SLC9A9: variants seen among roughly 807,000 people sequenced by gnomAD.
SLC9A9 encodes solute carrier family 9 member A9, also known as sodium/hydrogen exchanger 9.
Under a neutral mutation model 77.8 loss-of-function variants are expected in SLC9A9, and 62 were observed. The ratio of observed to expected loss-of-function variants is 0.80; its 90% confidence interval spans 0.65 to 0.98. The LOEUF (loss-of-function observed/expected upper bound fraction) is 0.98. Among genes scored for constraint, SLC9A9 ranks in the 50% least tolerant of loss-of-function variants. The pLI is 0.00. For synonymous variants in SLC9A9, 320 were observed against 283.5 expected (o/e 1.13, Z -1.29); for missense variants, 775 against 774.9 (o/e 1.00, Z 0.00).
At chr3:143,788,754 A>G (rs114186426) in intron 4 of SLC9A9, among the ~76,000 whole-genome samples, 1,697 of 150,684 alleles carry the variant, frequency 0.011, 35 homozygotes, top group African/African-American at 0.039. Flanking sequence ...ATAAGCATGT[A>G]TGAAGTAAAA....
At chr3:143,449,971 A>ATATG (rs369881110) in intron 12 of SLC9A9, among the ~76,000 whole-genome samples, 26,952 of 86,876 alleles carry the variant, frequency 0.31, 4,538 homozygotes, top group East Asian at 0.49. Context: ...AATATATATA[A>ATATG]TATATATTAT....
intron 6 of SLC9A9, among the ~76,000 whole-genome samples, chr3:143,602,529 AT>A (rs1253382954): frequency 6.6e-5 from 10 of 152,204 alleles, no homozygotes; most frequent in African/African-American, 2.4e-4. Context: ...AAATATCTTA[AT>A]TTAACTGTTT....
chr3:143,455,940 A>G (rs2035083355), intron 12 of SLC9A9, among the ~76,000 whole-genome samples: 1 of 151,988 alleles, frequency 6.6e-6, no homozygotes, highest in African/African-American at 2.4e-5. Context: ...CCAGGACAAT[A>G]TTGAATTAGA....
intron 14 of SLC9A9, among the ~76,000 whole-genome samples, chr3:143,319,844 C>G (rs2031353647): frequency 6.6e-6 from 1 of 152,202 alleles, no homozygotes; most frequent in Non-Finnish European, 1.5e-5. Flanking sequence ...CAGAGAAAGT[C>G]AAGGTCTGGT....
At chr3:143,545,732 C>T (rs2036777702) in intron 9 of SLC9A9, among the ~76,000 whole-genome samples, 1 of 152,212 alleles carries the variant, frequency 6.6e-6, no homozygotes, top group South Asian at 2.1e-4. Flanking sequence ...AAACTTTTCA[C>T]TCCAGTATGA....
chr3:143,693,266 C>T lies in SLC9A9; in HGVS notation c.575G>A (p.Gly192Asp). ...ATGAAAGTCTCCATTTTTCAGCTGG[C>T]CAGCATGTATCATAGCCTTCACAAA... The part of the protein sequence containing the change: ...YGFVKAMIHA[G>D]QLKNGDFHFT... Residue 192 changes from glycine (G) to aspartate (D), a missense_variant, in exon 5 of 16, where the codon GGC becomes GAC. Gly to Asp is a moderately conservative substitution (Grantham distance 94). Coordinates refer to ENST00000316549, the MANE Select transcript of SLC9A9 (RefSeq NM_173653.4). The T allele has an allele frequency of 1.2e-6, 2 of 1,613,318 alleles. No individual in the cohort carries two copies. Among genetic ancestry groups the T allele is most frequent in the East Asian group, 2.2e-5 (1 of 44,856 alleles).
chr3:143,649,186 C>T (rs77905148), intron 6 of SLC9A9, among the ~76,000 whole-genome samples: 131 of 152,292 alleles, frequency 8.6e-4, no homozygotes, highest in African/African-American at 3.1e-3. Flanking sequence ...GGTTCAAAAA[C>T]ACACACTCCT....
At chr3:143,780,522 A>G (rs16854284) in intron 4 of SLC9A9, among the ~76,000 whole-genome samples, 2,001 of 152,352 alleles carry the variant, frequency 0.013, 38 homozygotes, top group African/African-American at 0.045. Flanking sequence ...TTTGGACACC[A>G]AAAGAGGAAA....
chr3:143,614,630 T>C (rs2108703725), intron 6 of SLC9A9, among the ~76,000 whole-genome samples: 1 of 151,996 alleles, frequency 6.6e-6, no homozygotes, highest in Non-Finnish European at 1.5e-5. Context: ...GGATCCAAGA[T>C]GATATAAGGT....
intron 14 of SLC9A9, among the ~76,000 whole-genome samples, chr3:143,355,715 C>T (rs1238029225): frequency 1.3e-5 from 2 of 152,206 alleles, no homozygotes; most frequent in African/African-American, 4.8e-5. Context: ...TTTACAGGTG[C>T]ATCGCAAGTG....
intron 8 of SLC9A9, among the ~76,000 whole-genome samples, chr3:143,557,115 C>T (rs561629464): frequency 2.0e-5 from 3 of 152,184 alleles, no homozygotes; most frequent in Admixed American, 1.3e-4. Flanking sequence ...GGGTAGTTTC[C>T]CCCATGCTGT....
chr3:143,778,519 C>T (rs1296130508), intron 4 of SLC9A9, among the ~76,000 whole-genome samples: 1 of 152,056 alleles, frequency 6.6e-6, no homozygotes, highest in Non-Finnish European at 1.5e-5. Context: ...AACTGTGTAT[C>T]AGTGCCTAAG....
intron 9 of SLC9A9, chr3:143,517,198 A>G (rs2036215303): frequency 2.2e-6 from 3 of 1,386,602 alleles, no homozygotes; most frequent in Non-Finnish European, 3.0e-6. Context: ...ATTTTGACAT[A>G]CTTGCTGGGT....
At chr3:143,540,778 T>C (rs2036675421) in intron 9 of SLC9A9, among the ~76,000 whole-genome samples, 1 of 152,190 alleles carries the variant, frequency 6.6e-6, no homozygotes. Context: ...TTAATAATAG[T>C]CTTCACCTTG....
At chr3:143,725,399 G>T (rs1576684100) in intron 4 of SLC9A9, among the ~76,000 whole-genome samples, 1 of 151,906 alleles carries the variant, frequency 6.6e-6, no homozygotes, top group African/African-American at 2.4e-5. Context: ...TATACCCAAA[G>T]GACTATAAAT....
intron 14 of SLC9A9, among the ~76,000 whole-genome samples, chr3:143,338,539 A>C (rs570654024): frequency 1.5e-4 from 23 of 152,340 alleles, no homozygotes; most frequent in African/African-American, 5.5e-4. Flanking sequence ...GTATGTACGG[A>C]TCTTGGGACA....
chr3:143,632,746 G>A (rs4425252), intron 6 of SLC9A9, among the ~76,000 whole-genome samples: 92,946 of 152,062 alleles, frequency 0.61, 28,871 homozygotes, highest in African/African-American at 0.73. Context: ...AGTTTCATTT[G>A]TATTTTTAGA....
intron 14 of SLC9A9, among the ~76,000 whole-genome samples, chr3:143,317,771 A>G (rs930981441): frequency 6.6e-6 from 1 of 152,130 alleles, no homozygotes; most frequent in South Asian, 2.1e-4. Context: ...TCTGTCACCC[A>G]GGCTGGAGTG....
intron 14 of SLC9A9, among the ~76,000 whole-genome samples, chr3:143,301,588 C>T (rs1019605290): frequency 3.9e-5 from 6 of 152,142 alleles, no homozygotes; most frequent in African/African-American, 1.2e-4. Context: ...ATGAGACAGA[C>T]GCATTCTCCA....
Sources: allele counts gnomAD v4.1 joint callset (sites outside exome capture counted in the v4.1 genomes callset), GRCh38; gene constraint gnomAD v4.1.1; transcripts MANE v1.5; gene names NCBI Gene and HGNC (gene_info 2026-07-23, HGNC 2026-07-21).